ARHGEF18: variants seen among roughly 807,000 people sequenced by gnomAD.
The protein encoded by ARHGEF18 is rho guanine nucleotide exchange factor 18.
A neutral mutation model predicts 155.7 loss-of-function variants in ARHGEF18; 93 were observed. That is an observed-to-expected ratio of 0.60 (90% CI 0.50 to 0.71). The LOEUF is 0.71. Ranked by LOEUF, ARHGEF18 falls within the 30% of genes least tolerant of loss-of-function variation. The pLI, the probability that ARHGEF18 is intolerant of heterozygous loss-of-function variation, is 0.00. For synonymous variants in ARHGEF18, 742 were observed against 753.1 expected (o/e 0.99, Z 0.24); for missense variants, 1,593 against 1,816.1 (o/e 0.88, Z 2.23).
intron 2 of ARHGEF18, among the ~76,000 whole-genome samples, chr19:7,369,594 C>G (rs1970108094): frequency 6.6e-6 from 1 of 151,790 alleles, no homozygotes; most frequent in African/African-American, 2.4e-5. Flanking sequence ...GTCAGGAGTT[C>G]AAGAGCAGCC....
In ARHGEF18 at chr19:7,462,450, C is replaced by T. The variant is rs1425193376; in HGVS notation, c.2635+116C>T. On this transcript the variant is annotated intron_variant, in intron 21 of 28. Transcript: ENST00000668164. The surrounding 1 kb of genome is among the most constrained non-coding windows in gnomAD (Gnocchi z 4.4). ...GACACGGCACCCTGTCCAGGACAGG[C>T]TTCTATGTGGGGGGGGCCCAGGAGC... 1 of 1,187,912 alleles carries T rather than the reference C, an allele frequency of 8.4e-7. No homozygotes were observed. Among genetic ancestry groups the T allele is most frequent in the African/African-American group, 2.9e-5 (1 of 34,282 alleles). The allele number at this position is 1,187,912 out of a possible 1,614,324, so 73.6% of individuals were successfully genotyped here.
Position 7,441,897 on chromosome 19 carries a change from T to A in ARHGEF18, c.1220-15T>A, listed in dbSNP as rs747770574. ...GCTCTGGGCCCCCAGCAGCCACACC[T>A]CGCTCTTCCCTCAGATCCCTACACC... On this transcript the variant is annotated splice_polypyrimidine_tract_variant and intron_variant, in intron 12 of 28. Transcript: ENST00000668164. 11 of 1,613,736 alleles carry A rather than the reference T, an allele frequency of 6.8e-6. No individual in the cohort carries two copies. Among genetic ancestry groups the A allele is most frequent in the Admixed American group, 1.7e-5 (1 of 59,984 alleles).
chr19:7,426,489 A>AAAG (rs904964407), intron 10 of ARHGEF18, among the ~76,000 whole-genome samples: 3 of 150,596 alleles, frequency 2.0e-5, no homozygotes, highest in African/African-American at 7.3e-5. Context: ...TCTGTCTCAA[A>AAAG]AAAAAAAAAA....
At position 7,449,394 on chromosome 19, in the gene ARHGEF18, C is replaced by T. The variant is rs984730927; in HGVS notation, c.1738-1755C>T. Among the ~76,000 whole-genome samples, 9 of 152,100 alleles carry T rather than the reference C, an allele frequency of 5.9e-5. No individual in the cohort carries two copies. The East Asian group carries it at 1.6e-3, about 26-fold the overall frequency. On this transcript the variant is annotated intron_variant, in intron 15 of 28. Transcript: ENST00000668164. ...TTTGAGACCAGTCTGGGGAATATGG[C>T]GAAACCTCATCTCTACTAAAACTAC...
chr19:7,358,141 C>T (rs1408222262), intron 1 of ARHGEF18, among the ~76,000 whole-genome samples: 2 of 137,704 alleles, frequency 1.5e-5, no homozygotes, highest in African/African-American at 5.5e-5. Flanking sequence ...AATCAGCCAA[C>T]TCTTCAACCA....
intron 10 of ARHGEF18, among the ~76,000 whole-genome samples, chr19:7,434,647 G>A (rs75242673): frequency 2.6e-4 from 40 of 152,312 alleles, no homozygotes; most frequent in East Asian, 1.9e-3. Context: ...AGGAAAAACC[G>A]TAGCAGGAGA....
chr19:7,429,350 C>A (rs986871152), intron 10 of ARHGEF18, among the ~76,000 whole-genome samples: 1 of 152,142 alleles, frequency 6.6e-6, no homozygotes, highest in Non-Finnish European at 1.5e-5. Flanking sequence ...TGCCTGTAAT[C>A]CCAGCACTTT....
At chr19:7,364,668 T>A (rs1342722499) in intron 2 of ARHGEF18, among the ~76,000 whole-genome samples, 2 of 152,168 alleles carry the variant, frequency 1.3e-5, no homozygotes, top group Non-Finnish European at 2.9e-5. Context: ...CCTGATGGTG[T>A]GTGGCTGGGA....
At chr19:7,475,188 C>T (rs1168113971), downstream of ARHGEF18, among the ~76,000 whole-genome samples, 2 of 152,076 alleles carry the variant, frequency 1.3e-5, no homozygotes, top group African/African-American at 2.4e-5. Flanking sequence ...GCCGAGATCG[C>T]GCCACCGCAC....
intron 3 of ARHGEF18, 39 bp downstream of exon 3, chr19:7,373,110 C>T (rs1970275398): frequency 2.4e-6 from 3 of 1,234,128 alleles, no homozygotes; most frequent in African/African-American, 1.6e-5. Context: ...ACAATGCACC[C>T]CTGGGACAGG....
chr19:7,472,845 G>A (rs752342152), downstream of ARHGEF18: 22 of 396,342 alleles, frequency 5.6e-5, no homozygotes, highest in East Asian at 1.4e-3. Context: ...GATTACAGGT[G>A]TGCACCACCA....
chr19:7,393,905 G>A (rs1043630099), intron 10 of ARHGEF18, among the ~76,000 whole-genome samples: 4 of 150,716 alleles, frequency 2.7e-5, no homozygotes, highest in African/African-American at 4.9e-5. Flanking sequence ...ACCTGCCTGG[G>A]TGCCTGTGTT....
chr19:7,467,148 G>T (rs1333813866), intron 25 of ARHGEF18, 30 bp downstream of exon 25: 1 of 1,584,016 alleles, frequency 6.3e-7, no homozygotes, highest in South Asian at 1.1e-5. Context: ...CCGGCCACGC[G>T]TGCCCTTTCC....
chr19:7,454,077 T>C (rs1190365138), intron 17 of ARHGEF18, among the ~76,000 whole-genome samples: 2 of 150,530 alleles, frequency 1.3e-5, no homozygotes, highest in African/African-American at 4.9e-5. Context: ...CATCTTGGAT[T>C]GGTAGGTGCC....
Position 7,441,983 on chromosome 19 carries a change from C to T in ARHGEF18, c.1291C>T (p.Leu431Phe). The T allele has an allele frequency of 6.2e-7, 1 of 1,614,104 alleles. No individual in the cohort carries two copies. The highest frequency in any genetic ancestry group is 1.1e-5 in the South Asian group (1 of 91,082). ...CGAGTTTGAAGCTGAGTCCTGGAGC[C>T]TCGCCGTGGATGCAGCCTACGCCAA... ...GHEFEAESWS[L>F]AVDAAYAKKQ... Residue 431 changes from leucine (L) to phenylalanine (F), a missense_variant, in exon 13 of 29, where the codon CTC (leucine) becomes TTC (phenylalanine). Leu to Phe is a conservative substitution (Grantham distance 22). Coordinates refer to ENST00000668164, the MANE Select transcript of ARHGEF18 (RefSeq NM_001367823.1).
In ARHGEF18 at chr19:7,462,623, G is replaced by A. The variant is rs180916570; in HGVS notation, c.2635+289G>A. ...GCATGCAGAGGCTCTAAGCCGGGCCGTGGGGAGGATCTGAAGTTGACTAAG... is the reference window on the plus strand; with the variant it reads ...GCATGCAGAGGCTCTAAGCCGGGCCATGGGGAGGATCTGAAGTTGACTAAG... On this transcript the variant is annotated intron_variant, in intron 21 of 28. Transcript: ENST00000668164. This position sits in a 1 kb window ranked among gnomAD's most constrained non-coding sequence, Gnocchi z 4.4. 8.8e-5 allele frequency among the ~76,000 whole-genome samples: 13 copies of A among 148,264 alleles called. No homozygotes were observed. Among genetic ancestry groups the A allele is most frequent in the Admixed American group, 4.6e-4 (7 of 15,196 alleles).
rs963116444 is a variant in ARHGEF18 at position 7,395,366 on chromosome 19, T to C, written c.967+12163T>C. 73 of 958,650 alleles carry C rather than the reference T, an allele frequency of 7.6e-5. No individual in the cohort carries two copies. The highest frequency in any genetic ancestry group is 8.6e-5 in the Non-Finnish European group (69 of 805,666). The allele number at this position is 958,650 out of a possible 1,614,324, so 59.4% of individuals were successfully genotyped here. On this transcript the variant is annotated intron_variant, in intron 10 of 28. Transcript: ENST00000668164. This position sits in a 1 kb window ranked among gnomAD's most constrained non-coding sequence, Gnocchi z 5.0. ...GGGCTGCCTCGGGCCTCCCGCCGGC[T>C]CCTGGGGGACTTCTCCAGGCAGGCG... is the stretch of plus-strand genomic sequence containing the variant.
Position 7,462,025 on chromosome 19 carries a change from C to A in ARHGEF18, c.2453-127C>A. On this transcript the variant is annotated intron_variant, in intron 20 of 28. Transcript: ENST00000668164. This position sits in a 1 kb window ranked among gnomAD's most constrained non-coding sequence, Gnocchi z 4.4. ...TCCCCTACCTCCCAGGAATGCAGGA[C>A]ACAAGGGGGCAGCCTACCTCAGGGC... The A allele has an allele frequency of 9.7e-7, 1 of 1,033,518 alleles. No homozygotes were observed. The highest frequency in any genetic ancestry group is 1.5e-6 in the Non-Finnish European group (1 of 681,294). 64.0% of individuals were successfully genotyped at this position (1,033,518 alleles called of 1,614,324 possible).
intron 10 of ARHGEF18, among the ~76,000 whole-genome samples, chr19:7,436,698 G>A (rs763449989): frequency 5.6e-4 from 86 of 152,276 alleles, no homozygotes; most frequent in Non-Finnish European, 9.6e-4. Flanking sequence ...GGATGCTGCT[G>A]GGCAAAGGAT....
Sources: allele counts gnomAD v4.1 joint callset (sites outside exome capture counted in the v4.1 genomes callset), GRCh38; gene constraint gnomAD v4.1.1; non-coding constraint Gnocchi (gnomAD v3.1); transcripts MANE v1.5; gene names NCBI Gene and HGNC (gene_info 2026-07-23, HGNC 2026-07-21).